The following FRMD5 variants were observed in gnomAD, a reference collection of about 807,000 sequenced individuals.
FRMD5 encodes the protein FERM domain-containing protein 5.
Under a neutral mutation model 69.0 loss-of-function variants are expected in FRMD5, and 20 were observed. The observed-to-expected ratio is 0.29, with a 90% CI of 0.20 to 0.42. FRMD5 has a LOEUF of 0.42. FRMD5 is among the 10% of genes least tolerant of loss of function. The pLI is 1.00. For synonymous variants in FRMD5, 271 were observed against 260.1 expected, an observed-to-expected ratio of 1.04 and a Z score of -0.40; for missense variants, 595 against 708.6, an observed-to-expected ratio of 0.84 and a Z score of 1.82.
At chr15:44,185,965 T>G (rs2078093713) in intron 1 of FRMD5, among the ~76,000 whole-genome samples, 1 of 152,160 alleles carries the variant, frequency 6.6e-6, no homozygotes, top group Admixed American at 6.6e-5. Context: ...TCTCTCTTGT[T>G]GCCCAGGCTG....
rs1384894659 is a variant in FRMD5 at position 44,063,877 on chromosome 15, G to A, written c.102+131076C>T. The A allele has an allele frequency of 1.1e-5, 3 of 275,636 alleles. No individual in the cohort carries two copies. In the East Asian group the frequency reaches 3.4e-4, roughly 31 times the overall value. The allele number at this position is 275,636 out of a possible 1,614,324, so 17.1% of individuals were successfully genotyped here. On this transcript the variant is annotated intron_variant, in intron 1 of 13. Transcript: ENST00000417257. ...GGGAACCAAAAAGGTCATCATCTCTGCCCCCTCTGTCGACGTCCCCATGTT... is the reference window on the plus strand; with the variant it reads ...GGGAACCAAAAAGGTCATCATCTCTACCCCCTCTGTCGACGTCCCCATGTT...
At chr15:44,030,769 T>C (rs1290950172) in intron 1 of FRMD5, among the ~76,000 whole-genome samples, 1 of 152,134 alleles carries the variant, frequency 6.6e-6, no homozygotes, top group Non-Finnish European at 1.5e-5. Flanking sequence ...CCACAAAATC[T>C]GCAGTCTTTC....
intron 1 of FRMD5, among the ~76,000 whole-genome samples, chr15:43,965,268 T>C (rs1324842794): frequency 6.6e-6 from 1 of 152,166 alleles, no homozygotes; most frequent in Admixed American, 6.5e-5. Context: ...ACTATGATCA[T>C]TCACTTTGAT....
At chr15:44,021,097 C>G (rs1365015676) in intron 1 of FRMD5, among the ~76,000 whole-genome samples, 6 of 152,076 alleles carry the variant, frequency 3.9e-5, no homozygotes, top group Non-Finnish European at 5.9e-5. Context: ...CCAGCCTGAG[C>G]AACATGGCTA....
At chr15:43,888,774 C>T in intron 9 of FRMD5, 35 bp downstream of exon 9, 1 of 1,577,834 alleles carries the variant, frequency 6.3e-7, no homozygotes, top group South Asian at 1.1e-5. Context: ...CCCATCACCC[C>T]AGCCCTCCTT....
chr15:44,066,400 A>C (rs1229283574), intron 1 of FRMD5, among the ~76,000 whole-genome samples: 1 of 152,172 alleles, frequency 6.6e-6, no homozygotes, highest in African/African-American at 2.4e-5. Flanking sequence ...ATAGGGATTC[A>C]AAGATTGGAG....
intron 1 of FRMD5, among the ~76,000 whole-genome samples, chr15:43,951,312 C>T (rs1042037094): frequency 2.0e-5 from 3 of 151,498 alleles, no homozygotes; most frequent in Admixed American, 6.6e-5. Flanking sequence ...GTCCCAGCTA[C>T]TCGGGAGGCT....
rs1159043536 is a variant in FRMD5, at chr15:43,904,705, TCA to T, written c.551+1121_551+1122del. Among the ~76,000 whole-genome samples the T allele has an allele frequency of 2.0e-5, 3 of 152,068 alleles. No individual in the cohort carries two copies. In the East Asian group the frequency reaches 5.8e-4, roughly 29 times the overall value. On this transcript the variant is annotated intron_variant, in intron 6 of 13. Transcript: ENST00000417257. The stretch of plus-strand genomic sequence containing the variant: ...ACACTGCATTCTATATCCTTTTTCC[TCA>T]TAGTTTGTCAGTTTGGGGAATCTGT...
intron 13 of FRMD5, among the ~76,000 whole-genome samples, chr15:43,883,115 T>C (rs1338421415): frequency 6.6e-6 from 1 of 151,948 alleles, no homozygotes; most frequent in Non-Finnish European, 1.5e-5. Context: ...AAAAATTCTT[T>C]TTTTTTTTTG....
chr15:43,895,893 A>T (rs2088900433), intron 7 of FRMD5, among the ~76,000 whole-genome samples: 1 of 152,234 alleles, frequency 6.6e-6, no homozygotes, highest in African/African-American at 2.4e-5. Context: ...CTTCTATCTG[A>T]CTTGTCATTC....
At chr15:43,875,309 C>A (rs1394613526) in intron 13 of FRMD5, among the ~76,000 whole-genome samples, 5 of 141,600 alleles carry the variant, frequency 3.5e-5, no homozygotes, top group Non-Finnish European at 6.0e-5. Context: ...CAAGATCACA[C>A]CACTGCATTC....
chr15:44,139,298 T>TACACACACACACAC (rs140679752), intron 1 of FRMD5, among the ~76,000 whole-genome samples: 234 of 143,758 alleles, frequency 1.6e-3, no homozygotes, highest in African/African-American at 5.6e-3. Context: ...CCCCTCTCTC[T>TACACACACACACAC]ACACACACAC....
At chr15:44,061,169 T>C (rs564489881) in intron 1 of FRMD5, among the ~76,000 whole-genome samples, 8 of 152,344 alleles carry the variant, frequency 5.3e-5, no homozygotes, top group African/African-American at 1.4e-4. Context: ...CCTACTCTTA[T>C]GTGATTTACA....
intron 1 of FRMD5, among the ~76,000 whole-genome samples, chr15:43,967,863 T>C (rs2090318512): frequency 6.6e-6 from 1 of 152,042 alleles, no homozygotes; most frequent in Non-Finnish European, 1.5e-5. Context: ...ACCCATCATC[T>C]AGATTTTAAG....
At chr15:44,178,992 TG>T (rs2077950619) in intron 1 of FRMD5, among the ~76,000 whole-genome samples, 3 of 52,746 alleles carry the variant, frequency 5.7e-5, no homozygotes, top group African/African-American at 2.5e-4. Context: ...AACTCTGTCT[TG>T]AAATAAATAA....
At chr15:43,925,047 C>G (rs903706644) in intron 1 of FRMD5, among the ~76,000 whole-genome samples, 1 of 150,202 alleles carries the variant, frequency 6.7e-6, no homozygotes, top group African/African-American at 2.5e-5. Context: ...TTCTGTCTCC[C>G]AGGCTGGAGT....
At chr15:43,993,840 T>A (rs556481773) in intron 1 of FRMD5, among the ~76,000 whole-genome samples, 2 of 152,358 alleles carry the variant, frequency 1.3e-5, no homozygotes, top group East Asian at 3.9e-4. Flanking sequence ...AATGACCTTG[T>A]CTCATTTTAC....
At position 43,874,852 on chromosome 15, in the gene FRMD5, A is replaced by G. The variant is rs2088283729; in HGVS notation, c.1136-390T>C. ...GAGGCGGAGGTTGCAGTGAGCTGAGATCGCACTATTACACTCCATCCTCGG... is the reference window on the plus strand; with the variant it reads ...GAGGCGGAGGTTGCAGTGAGCTGAGGTCGCACTATTACACTCCATCCTCGG... On this transcript the variant is annotated intron_variant, in intron 13 of 13. Coordinates refer to ENST00000417257, the MANE Select transcript of FRMD5 (RefSeq NM_032892.5). Among the ~76,000 whole-genome samples the G allele has an allele frequency of 3.3e-5, 5 of 152,098 alleles. No individual in the cohort carries two copies. The South Asian group carries it at 1.0e-3, about 32-fold the overall frequency.
chr15:44,067,769 C>A (rs1893373338), intron 1 of FRMD5, among the ~76,000 whole-genome samples: 1 of 152,094 alleles, frequency 6.6e-6, no homozygotes, highest in South Asian at 2.1e-4. Flanking sequence ...CAGACCATAG[C>A]AGACACTACC....
Sources: gnomAD v4.1 joint callset for allele counts (sites outside exome capture counted in the v4.1 genomes callset) on GRCh38, gnomAD v4.1.1 for gene constraint, MANE v1.5 for transcripts, NCBI Gene and HGNC (gene_info 2026-07-23, HGNC 2026-07-21) for gene names.